The following NREP variants were observed in gnomAD, a reference collection of about 807,000 sequenced individuals.
The protein encoded by NREP is neuronal regeneration related protein, also known as neuronal regeneration-related protein.
Under a neutral mutation model 8.6 loss-of-function variants are expected in NREP, and 5 were observed. That is an observed-to-expected ratio of 0.58 (90% CI 0.30 to 1.22). The LOEUF is 1.22. NREP is among the 50% of genes most tolerant of loss of function. The pLI is 0.07. For missense variants in NREP, 86 were observed against 82.5 expected (o/e 1.04, Z -0.17); for synonymous variants, 27 against 28.0 (o/e 0.96, Z 0.11).
chr5:111,808,321 G>A (rs1752191116), intron 2 of NREP, among the ~76,000 whole-genome samples: 1 of 152,178 alleles, frequency 6.6e-6, no homozygotes, highest in African/African-American at 2.4e-5. Context: ...ATCTCAGGCA[G>A]AACTGTATCT....
chr5:111,832,756 G>A (rs185558544), intron 2 of NREP, among the ~76,000 whole-genome samples: 1 of 152,190 alleles, frequency 6.6e-6, no homozygotes, highest in Non-Finnish European at 1.5e-5. Flanking sequence ...CAGGCAAAAT[G>A]CCTGATAGCA....
At chr5:111,856,075 G>T (rs1379114635) in intron 2 of NREP, among the ~76,000 whole-genome samples, 2 of 152,124 alleles carry the variant, frequency 1.3e-5, no homozygotes, top group African/African-American at 4.8e-5. Context: ...TTTGCTAGTT[G>T]TATACTAGTA....
At chr5:111,902,137 TA>T (rs1192219907) in intron 2 of NREP, among the ~76,000 whole-genome samples, 4 of 151,732 alleles carry the variant, frequency 2.6e-5, no homozygotes, top group Non-Finnish European at 5.9e-5. Flanking sequence ...ACCCAGAAAT[TA>T]ATCTATATAT....
chr5:111,826,940 G>C (rs9784704), intron 2 of NREP, among the ~76,000 whole-genome samples: 78,824 of 152,024 alleles, frequency 0.52, 21,757 homozygotes, highest in Non-Finnish European at 0.63. Context: ...CATTACAATA[G>C]CCAATTAATA....
rs1378921526 is a variant in NREP, at chr5:111,730,225, C to A, written c.*696G>T. 6.6e-6 allele frequency: 1 copy of A among 152,474 alleles called. No individual in the cohort carries two copies. The highest frequency in any genetic ancestry group is 1.5e-5 in the Non-Finnish European group (1 of 68,026). 9.4% of individuals were successfully genotyped at this position (152,474 alleles called of 1,614,324 possible). On this transcript the variant is annotated 3_prime_UTR_variant, in exon 4 of 4. Coordinates refer to ENST00000257435, the MANE Select transcript of NREP (RefSeq NM_004772.4). ...CTGAGGAAGAAAGCCACACTGAAGA[C>A]ACAAGGAAAACAAGTCAATCCAGTC...
In NREP at chr5:111,817,991, T is replaced by C. The variant is rs1460240251; in HGVS notation, c.136-82484A>G. 5.9e-5 allele frequency among the ~76,000 whole-genome samples: 9 copies of C among 152,166 alleles called. No homozygotes were observed. In the East Asian group the frequency reaches 1.7e-3, roughly 29 times the overall value. ...TCACATCATCTGAAAGAGCCATTCTTTGGTAGGTGAAAGAAAGTCAAATAT... is the reference window on the plus strand; with the variant it reads ...TCACATCATCTGAAAGAGCCATTCTCTGGTAGGTGAAAGAAAGTCAAATAT... On this transcript the variant is annotated intron_variant, in intron 2 of 3. Coordinates refer to the NREP transcript ENST00000395634.
chr5:111,895,661 T>C (rs1754493072), intron 2 of NREP, among the ~76,000 whole-genome samples: 1 of 152,094 alleles, frequency 6.6e-6, no homozygotes, highest in South Asian at 2.1e-4. Flanking sequence ...ATTATTGATA[T>C]TGAGACCAAA....
intron 2 of NREP, among the ~76,000 whole-genome samples, chr5:111,886,194 T>C (rs1399389844): frequency 6.6e-6 from 1 of 152,164 alleles, no homozygotes; most frequent in East Asian, 1.9e-4. Context: ...AAGAAGACAT[T>C]TATGCAGCCA....
chr5:111,805,531 C>T (rs1169715953), intron 2 of NREP, among the ~76,000 whole-genome samples: 1 of 152,088 alleles, frequency 6.6e-6, no homozygotes, highest in African/African-American at 2.4e-5. Context: ...GTTATTATCA[C>T]AATATATTGT....
At chr5:111,750,379 G>T (rs1750283582) in intron 2 of NREP, among the ~76,000 whole-genome samples, 1 of 152,140 alleles carries the variant, frequency 6.6e-6, no homozygotes, top group Non-Finnish European at 1.5e-5. Context: ...TCCACTTCTA[G>T]TTTCAAATTT....
rs990073029 is a variant in NREP, at chr5:111,802,313, T to C, written c.136-66806A>G. Among the ~76,000 whole-genome samples, 5 of 141,594 alleles carry C rather than the reference T, an allele frequency of 3.5e-5. No homozygotes were observed. In the South Asian group the frequency reaches 1.2e-3, roughly 35 times the overall value. 92.9% of individuals were successfully genotyped at this position (141,594 alleles called of 152,430 possible). On this transcript the variant is annotated intron_variant, in intron 2 of 3. Coordinates refer to the NREP transcript ENST00000395634. The stretch of plus-strand genomic sequence containing the variant: ...TGTCAAATACACTGTTAAAAAAGTA[T>C]AGCAAGGAGACTGTTTTAGGCAAAA...
intron 2 of NREP, among the ~76,000 whole-genome samples, chr5:111,839,395 C>T (rs1231606917): frequency 6.6e-6 from 1 of 152,072 alleles, no homozygotes; most frequent in Non-Finnish European, 1.5e-5. Context: ...GTCTGTACAT[C>T]ACATCCAAGG....
chr5:111,935,816 G>A (rs1436962809), intron 2 of NREP, among the ~76,000 whole-genome samples: 1 of 151,994 alleles, frequency 6.6e-6, no homozygotes. Context: ...CACCTTGATA[G>A]GAGGCTGTAC....
At chr5:111,732,069 T>G (rs964021407) in intron 3 of NREP, 1 of 151,216 alleles carries the variant, frequency 6.6e-6, no homozygotes, top group Non-Finnish European at 1.5e-5. Flanking sequence ...TTATCCTTTG[T>G]GGTTTTAAAA....
intron 2 of NREP, among the ~76,000 whole-genome samples, chr5:111,736,086 C>T (rs1397415307): frequency 2.0e-5 from 3 of 151,858 alleles, no homozygotes; most frequent in Admixed American, 6.6e-5. Flanking sequence ...CTGATGAATT[C>T]GGTGGTGGGA....
At chr5:111,813,183 A>C (rs1254766825) in intron 2 of NREP, among the ~76,000 whole-genome samples, 2 of 152,182 alleles carry the variant, frequency 1.3e-5, no homozygotes, top group Non-Finnish European at 2.9e-5. Context: ...TGACTTCCCC[A>C]AAGTTATTTA....
chr5:111,744,329 A>C (rs1749866768), intron 2 of NREP, among the ~76,000 whole-genome samples: 1 of 152,126 alleles, frequency 6.6e-6, no homozygotes, highest in South Asian at 2.1e-4. Context: ...CAGACCACTA[A>C]ATTTGGAGGG....
chr5:111,774,950 T>C (rs1751322219), intron 2 of NREP, among the ~76,000 whole-genome samples: 1 of 152,160 alleles, frequency 6.6e-6, no homozygotes, highest in South Asian at 2.1e-4. Context: ...AAATAATAAA[T>C]GTCCCTGGCT....
chr5:111,757,617 G>A (rs1287312783), upstream of NREP: 13 of 983,106 alleles, frequency 1.3e-5, no homozygotes, highest in Non-Finnish European at 1.6e-5. Flanking sequence ...AGGCGCGCGC[G>A]CCCCGACACC....
Sources: gnomAD v4.1 joint callset for allele counts (sites outside exome capture counted in the v4.1 genomes callset) on GRCh38, gnomAD v4.1.1 for gene constraint, MANE v1.5 for transcripts, NCBI Gene and HGNC (gene_info 2026-07-23, HGNC 2026-07-21) for gene names.